The following MACROD2 variants were observed in gnomAD, a reference collection of about 807,000 sequenced individuals.
The protein encoded by MACROD2 is ADP-ribose glycohydrolase MACROD2.
Under a neutral mutation model 70.4 loss-of-function variants are expected in MACROD2, and 36 were observed. The observed-to-expected ratio is 0.51, with a 90% CI of 0.39 to 0.68. The LOEUF (loss-of-function observed/expected upper bound fraction) is 0.68. Ranked by LOEUF, MACROD2 falls within the 30% of genes least tolerant of loss-of-function variation. MACROD2 has a pLI of 0.00. For missense variants in MACROD2, 496 were observed against 538.4 expected (o/e 0.92, Z 0.78); for synonymous variants, 172 against 178.8 (o/e 0.96, Z 0.30).
intron 3 of MACROD2, among the ~76,000 whole-genome samples, chr20:14,109,162 T>C (rs928406640): frequency 1.3e-5 from 2 of 152,178 alleles, no homozygotes; most frequent in African/African-American, 4.8e-5. Flanking sequence ...TGCTCCTGAA[T>C]GACCAGTGGG....
intron 3 of MACROD2, among the ~76,000 whole-genome samples, chr20:14,184,371 G>T (rs1012605450): frequency 3.3e-4 from 50 of 152,062 alleles, no homozygotes; most frequent in African/African-American, 1.2e-3. Flanking sequence ...TCTCTATTCT[G>T]TTGCATTGGT....
intron 5 of MACROD2, among the ~76,000 whole-genome samples, chr20:14,817,908 T>G (rs2072791644): frequency 6.6e-6 from 1 of 152,080 alleles, no homozygotes; most frequent in African/African-American, 2.4e-5. Context: ...GAGAAAGCAC[T>G]GAGCCAATGA....
intron 3 of MACROD2, among the ~76,000 whole-genome samples, chr20:14,155,881 G>C (rs1331831778): frequency 6.6e-6 from 1 of 152,078 alleles, no homozygotes; most frequent in Non-Finnish European, 1.5e-5. Context: ...ACATTAATTA[G>C]CTGGGTGCAG....
chr20:15,131,020 C>T (rs916754901), intron 5 of MACROD2, among the ~76,000 whole-genome samples: 2 of 152,064 alleles, frequency 1.3e-5, no homozygotes, highest in Non-Finnish European at 2.9e-5. Context: ...AGCCCAAACA[C>T]TCCCCCTTGA....
At chr20:15,348,530 A>G (rs566322358) in intron 6 of MACROD2, among the ~76,000 whole-genome samples, 91 of 152,334 alleles carry the variant, frequency 6.0e-4, no homozygotes, top group Middle Eastern at 6.8e-3. Context: ...GTCTGTTCTC[A>G]TGCTGCTAAT....
At chr20:15,079,376 C>G (rs2075685305) in intron 5 of MACROD2, among the ~76,000 whole-genome samples, 1 of 152,062 alleles carries the variant, frequency 6.6e-6, no homozygotes, top group Admixed American at 6.6e-5. Context: ...CTCTTCTGGT[C>G]TACCCATCCT....
At position 15,319,789 on chromosome 20, in the gene MACROD2, A is replaced by G. The variant is rs117851468; in HGVS notation, c.540+89728A>G. Among the ~76,000 whole-genome samples the G allele has an allele frequency of 8.2e-3, 1,244 of 152,362 alleles. 9 individuals carry two copies. Among genetic ancestry groups the G allele is most frequent in the Middle Eastern group, 0.024 (7 of 294 alleles). On this transcript the variant is annotated intron_variant, in intron 6 of 17. Transcript: ENST00000684519. ...ATTTTTTAGCCATAAAAAGGAATGA[A>G]ATACTGAACATGCTATACTGTGGGT...
At chr20:14,526,646 C>T (rs976139176) in intron 4 of MACROD2, among the ~76,000 whole-genome samples, 1 of 152,170 alleles carries the variant, frequency 6.6e-6, no homozygotes, top group Non-Finnish European at 1.5e-5. Context: ...GCTAGTTCTC[C>T]AGAATATGCT....
At chr20:15,848,388 G>A (rs1450931003) in intron 8 of MACROD2, among the ~76,000 whole-genome samples, 1 of 151,884 alleles carries the variant, frequency 6.6e-6, no homozygotes, top group Non-Finnish European at 1.5e-5. Flanking sequence ...TCTTCCTCAA[G>A]GATTAGTAAC....
At chr20:15,925,431 G>A (rs1047396124) in intron 10 of MACROD2, among the ~76,000 whole-genome samples, 1 of 152,168 alleles carries the variant, frequency 6.6e-6, no homozygotes, top group Non-Finnish European at 1.5e-5. Flanking sequence ...AAAACTAACG[G>A]TATCAAAGTA....
chr20:15,794,496 G>T (rs147365670), intron 8 of MACROD2, among the ~76,000 whole-genome samples: 1 of 152,134 alleles, frequency 6.6e-6, no homozygotes, highest in Non-Finnish European at 1.5e-5. Flanking sequence ...CTGTAGTCAG[G>T]TTCCCAAGGG....
chr20:15,387,811 C>T (rs1396834994), intron 6 of MACROD2, among the ~76,000 whole-genome samples: 1 of 150,524 alleles, frequency 6.6e-6, no homozygotes, highest in Non-Finnish European at 1.5e-5. Flanking sequence ...GATCATAGCT[C>T]ACCGCAGCCT....
chr20:15,822,164 T>C (rs12481033), intron 8 of MACROD2, among the ~76,000 whole-genome samples: 9,377 of 152,244 alleles, frequency 0.062, 533 homozygotes, highest in East Asian at 0.31. Flanking sequence ...ATCTGGTCAA[T>C]TGGCCATTAT....
chr20:14,452,850 G>A (rs779336027), intron 3 of MACROD2, among the ~76,000 whole-genome samples: 1 of 152,068 alleles, frequency 6.6e-6, no homozygotes, highest in Non-Finnish European at 1.5e-5. Context: ...CATTATATTT[G>A]TTTCTTGATG....
chr20:14,625,966 G>A (rs1342890864), intron 4 of MACROD2, among the ~76,000 whole-genome samples: 1 of 152,110 alleles, frequency 6.6e-6, no homozygotes, highest in Non-Finnish European at 1.5e-5. Flanking sequence ...GGGATTACAG[G>A]CATGCACCAT....
chr20:15,850,574 T>C (rs995258118), intron 8 of MACROD2, among the ~76,000 whole-genome samples: 5 of 152,302 alleles, frequency 3.3e-5, no homozygotes, highest in African/African-American at 9.6e-5. Context: ...ATTTCTCACA[T>C]AGAAGGAGAT....
At chr20:14,699,740 C>T (rs1165083869) in intron 5 of MACROD2, among the ~76,000 whole-genome samples, 1 of 152,102 alleles carries the variant, frequency 6.6e-6, no homozygotes, top group Non-Finnish European at 1.5e-5. Flanking sequence ...CAAGCATCAA[C>T]TTTTATCACA....
At chr20:14,685,023 T>TATA in intron 5 of MACROD2, 64 bp downstream of exon 5, 1 of 1,260,736 alleles carries the variant, frequency 7.9e-7, no homozygotes, top group South Asian at 1.2e-5. Flanking sequence ...TACTCCAGTG[T>TATA]ATAACTGGAA....
At chr20:14,355,131 C>T (rs2083160384) in intron 3 of MACROD2, among the ~76,000 whole-genome samples, 1 of 152,042 alleles carries the variant, frequency 6.6e-6, no homozygotes, top group African/African-American at 2.4e-5. Context: ...AGATATATAC[C>T]CAGCAATGGG....
Sources: gnomAD v4.1 joint callset for allele counts (sites outside exome capture counted in the v4.1 genomes callset) on GRCh38, gnomAD v4.1.1 for gene constraint, MANE v1.5 for transcripts, NCBI Gene and HGNC (gene_info 2026-07-23, HGNC 2026-07-21) for gene names.